Variants in ZNF280D observed in about 807,000 individuals in gnomAD.
ZNF280D encodes zinc finger protein 280D.
In ZNF280D, 39 loss-of-function variants were observed where a neutral mutation model predicts 94.7. The observed-to-expected ratio is 0.41, with a 90% CI of 0.32 to 0.54. The LOEUF (loss-of-function observed/expected upper bound fraction) is 0.54. Among genes scored for constraint, ZNF280D ranks in the 20% least tolerant of loss-of-function variants. The pLI is 0.22. For synonymous variants in ZNF280D, 398 were observed against 377.6 expected (o/e 1.05, Z -0.63); for missense variants, 1,090 against 1,149.3 (o/e 0.95, Z 0.75).
At chr15:56,699,837 T>C (rs994140466) in intron 6 of ZNF280D, 5 of 153,330 alleles carry the variant, frequency 3.3e-5, no homozygotes, top group Non-Finnish European at 7.2e-5. Context: ...ATAAAACTAA[T>C]AACATTTTAA....
At chr15:56,636,873 G>A (rs2052380907) in intron 20 of ZNF280D, among the ~76,000 whole-genome samples, 1 of 152,008 alleles carries the variant, frequency 6.6e-6, no homozygotes, top group African/African-American at 2.4e-5. Flanking sequence ...ACCCACCTCG[G>A]CCTCCCAAAG....
At chr15:56,653,715 A>C (rs2053351707) in intron 19 of ZNF280D, 1 of 1,322,832 alleles carries the variant, frequency 7.6e-7, no homozygotes, top group Admixed American at 3.8e-5. Flanking sequence ...GACAAAAGAC[A>C]AACAGCCATA....
At chr15:56,729,012 T>C (rs1160433296) in intron 1 of ZNF280D, among the ~76,000 whole-genome samples, 1 of 152,188 alleles carries the variant, frequency 6.6e-6, no homozygotes, top group Non-Finnish European at 1.5e-5. Flanking sequence ...TTATCAAGGA[T>C]GTAACCTATC....
chr15:56,670,805 A>G (rs1381785281), intron 13 of ZNF280D, among the ~76,000 whole-genome samples: 1 of 152,040 alleles, frequency 6.6e-6, no homozygotes, highest in African/African-American at 2.4e-5. Flanking sequence ...CACCAACAGT[A>G]TAAAAGCACT....
At chr15:56,692,516 T>C (rs1363028662) in intron 7 of ZNF280D, among the ~76,000 whole-genome samples, 2 of 152,096 alleles carry the variant, frequency 1.3e-5, no homozygotes, top group Non-Finnish European at 2.9e-5. Context: ...ATGAAGAACT[T>C]TGTTACAGTA....
At chr15:56,652,472 A>G (rs1232195562) in intron 19 of ZNF280D, 1 of 310,338 alleles carries the variant, frequency 3.2e-6, no homozygotes, top group Non-Finnish European at 4.7e-6. Context: ...TCATTAGCAA[A>G]TAATTCCTGA....
chr15:56,653,601 T>C (rs1293482919), intron 19 of ZNF280D: 3 of 1,480,914 alleles, frequency 2.0e-6, no homozygotes, highest in African/African-American at 2.9e-5. Flanking sequence ...CTTCTGCATC[T>C]GAAAAATAAG....
intron 6 of ZNF280D, chr15:56,700,652 G>A (rs1224551943): frequency 7.3e-7 from 1 of 1,369,056 alleles, no homozygotes; most frequent in African/African-American, 1.5e-5. Context: ...CAATATTTAT[G>A]GCTGACTATA....
At chr15:56,700,167 T>C (rs1201699162) in intron 6 of ZNF280D, 3 of 977,760 alleles carry the variant, frequency 3.1e-6, no homozygotes, top group East Asian at 1.1e-4. Flanking sequence ...TTCTTTCATG[T>C]CTAAAAAAGT....
intron 9 of ZNF280D, among the ~76,000 whole-genome samples, chr15:56,688,377 G>A (rs566949538): frequency 6.6e-6 from 1 of 151,666 alleles, no homozygotes; most frequent in Non-Finnish European, 1.5e-5. Flanking sequence ...TGTAGTCCCA[G>A]CTACTTGGGA....
chr15:56,730,171 T>C (rs1048636740), intron 1 of ZNF280D: 43 of 152,140 alleles, frequency 2.8e-4, no homozygotes, highest in African/African-American at 1.0e-3. Context: ...TCTGGAGAAA[T>C]AAATCAAAAT....
At chr15:56,711,381 G>T (rs521904) in intron 1 of ZNF280D, among the ~76,000 whole-genome samples, 74,853 of 151,936 alleles carry the variant, frequency 0.49, 19,537 homozygotes, top group African/African-American at 0.66. Context: ...TAAAGAACTC[G>T]AGGCCAGGCA....
At chr15:56,727,064 GGGA>G (rs1181394180) in intron 1 of ZNF280D, among the ~76,000 whole-genome samples, 1 of 152,190 alleles carries the variant, frequency 6.6e-6, no homozygotes, top group Non-Finnish European at 1.5e-5. Flanking sequence ...TAGAAAAAAT[GGGA>G]GAACTAATGG....
intron 10 of ZNF280D, among the ~76,000 whole-genome samples, chr15:56,681,051 T>C (rs1350122813): frequency 6.6e-6 from 1 of 152,190 alleles, no homozygotes; most frequent in Non-Finnish European, 1.5e-5. Context: ...TGATGGCCCT[T>C]AAAGTTTGAT....
rs79828279 is a variant in ZNF280D at position 56,640,778 on chromosome 15, C to T, written c.2259+2174G>A. Among the ~76,000 whole-genome samples, 288 of 152,236 alleles carry T rather than the reference C, an allele frequency of 1.9e-3. 1 individual carries two copies. The highest frequency in any genetic ancestry group is 3.6e-3 in the Non-Finnish European group (244 of 67,974). ...AAATTTTTGAATACCATTTCCAAAT[C>T]TGTTTAAGACTGCACTAAGCAAAAT... On this transcript the variant is annotated intron_variant, in intron 20 of 21. Coordinates refer to ENST00000267807, the MANE Select transcript of ZNF280D (RefSeq NM_017661.4).
At chr15:56,712,131 G>T (rs1019831839) in intron 1 of ZNF280D, among the ~76,000 whole-genome samples, 2 of 151,946 alleles carry the variant, frequency 1.3e-5, no homozygotes, top group Admixed American at 1.3e-4. Flanking sequence ...TCCAGACTGT[G>T]GCTGTCAAAT....
chr15:56,678,521 TA>T, intron 11 of ZNF280D, 142 bp downstream of exon 11: 3 of 619,122 alleles, frequency 4.8e-6, no homozygotes, highest in Non-Finnish European at 7.7e-6. Flanking sequence ...TTATCACAGT[TA>T]AAACTTGGCC....
intron 4 of ZNF280D, among the ~76,000 whole-genome samples, chr15:56,701,562 T>C (rs2057072336): frequency 6.6e-6 from 1 of 152,098 alleles, no homozygotes; most frequent in African/African-American, 2.4e-5. Flanking sequence ...ACATACTTGA[T>C]AAAAATTTTC....
chr15:56,665,467 A>T (rs2054220741), intron 16 of ZNF280D, among the ~76,000 whole-genome samples: 1 of 152,176 alleles, frequency 6.6e-6, no homozygotes, highest in South Asian at 2.1e-4. Flanking sequence ...TAAGTACTCA[A>T]ATAATCTAAG....
Sources: gnomAD v4.1 joint callset for allele counts (sites outside exome capture counted in the v4.1 genomes callset) on GRCh38, gnomAD v4.1.1 for gene constraint, MANE v1.5 for transcripts, NCBI Gene and HGNC (gene_info 2026-07-23, HGNC 2026-07-21) for gene names.